The following RBFOX3 variants were observed in gnomAD, a reference collection of about 807,000 sequenced individuals.
RBFOX3 encodes RNA binding fox-1 homolog 3, also known as RNA binding protein fox-1 homolog 3.
Under a neutral mutation model 48.7 loss-of-function variants are expected in RBFOX3, and 17 were observed. The ratio of observed to expected loss-of-function variants is 0.35; its 90% CI spans 0.24 to 0.52. The LOEUF (loss-of-function observed/expected upper bound fraction) is 0.52. RBFOX3 is among the 20% of genes least tolerant of loss of function. The probability of loss-of-function intolerance (pLI) is 0.94; values close to 1 mark genes in which losing one functional copy is unlikely to be tolerated. For missense variants in RBFOX3, 382 were observed against 497.5 expected, an observed-to-expected ratio of 0.77 and a Z score of 2.21; for synonymous variants, 212 against 209.5, an observed-to-expected ratio of 1.01 and a Z score of -0.10.
intron 4 of RBFOX3, among the ~76,000 whole-genome samples, chr17:79,146,792 G>C (rs2043131958): frequency 6.6e-6 from 1 of 152,230 alleles, no homozygotes; most frequent in South Asian, 2.1e-4. Context: ...AGGTCCTGCA[G>C]AAGCTGGGGA....
intron 2 of RBFOX3, among the ~76,000 whole-genome samples, chr17:79,395,260 C>T (rs1002810355): frequency 8.5e-5 from 13 of 152,218 alleles, no homozygotes; most frequent in Admixed American, 1.3e-4. Context: ...CAGCTGCAGG[C>T]TCTATCTTGA....
chr17:79,354,354 C>T (rs1454235403), intron 2 of RBFOX3, among the ~76,000 whole-genome samples: 1 of 152,222 alleles, frequency 6.6e-6, no homozygotes, highest in African/African-American at 2.4e-5. Context: ...CTGGCTCACT[C>T]CAGCTAGCAC....
the RBFOX3 span, among the ~76,000 whole-genome samples, chr17:79,652,179 A>G: frequency 6.6e-6 from 1 of 152,168 alleles, no homozygotes; most frequent in Non-Finnish European, 1.5e-5. Context: ...GTAATAGATA[A>G]CTAGTACAAG....
At position 79,189,775 on chromosome 17, in the gene RBFOX3, G is replaced by A. The variant is rs183815709; in HGVS notation, c.-34+45991C>T. Among the ~76,000 whole-genome samples, 3 of 152,322 alleles carry A rather than the reference G, an allele frequency of 2.0e-5. No homozygotes were observed. The East Asian group carries it at 5.8e-4, about 29-fold the overall frequency. On this transcript the variant is annotated intron_variant, in intron 4 of 14. Transcript: ENST00000693108. ...GTCCTGCCCAAGCCTGTGCATGTGT[G>A]CCCTTGTGCCCAGACCATAGATGGC... is the stretch of plus-strand genomic sequence containing the variant.
chr17:79,542,215 T>C (rs138217228), intron 1 of RBFOX3, among the ~76,000 whole-genome samples: 30 of 152,290 alleles, frequency 2.0e-4, no homozygotes, highest in Admixed American at 2.0e-4. Flanking sequence ...GGTGTCTAAC[T>C]GGGGCAGACT....
rs1442318491 is a variant in RBFOX3 at position 79,418,860 on chromosome 17, CT to C, written c.-175+63593del. Among the ~76,000 whole-genome samples, 1 of 152,188 alleles carries C rather than the reference CT, an allele frequency of 6.6e-6. No individual in the cohort carries two copies. Among genetic ancestry groups the C allele is most frequent in the Non-Finnish European group, 1.5e-5 (1 of 68,034 alleles). ...GCAGTAGGTTTGAGGAGATGGCACC[CT>C]TGTCTGTGCTAGCTCAGACTGGGTC... On this transcript the variant is annotated intron_variant, in intron 2 of 14. Coordinates refer to ENST00000693108, the MANE Select transcript of RBFOX3 (RefSeq NM_001350451.2). This position sits in a 1 kb window ranked among gnomAD's most constrained non-coding sequence, Gnocchi z 5.0.
intron 4 of RBFOX3, among the ~76,000 whole-genome samples, chr17:79,161,493 C>T (rs543860490): frequency 6.6e-6 from 1 of 152,322 alleles, no homozygotes; most frequent in South Asian, 2.1e-4. Flanking sequence ...TGCAACTTAA[C>T]CCCCTCGGGG....
At chr17:79,454,715 A>T (rs984692496) in intron 2 of RBFOX3, among the ~76,000 whole-genome samples, 12 of 152,200 alleles carry the variant, frequency 7.9e-5, no homozygotes, top group African/African-American at 2.9e-4. Flanking sequence ...ACAGCTCATT[A>T]GGCAAAGACA....
intron 3 of RBFOX3, among the ~76,000 whole-genome samples, chr17:79,245,947 A>G (rs28535766): frequency 6.6e-6 from 1 of 151,920 alleles, no homozygotes; most frequent in Non-Finnish European, 1.5e-5. Flanking sequence ...ATTTTAATCC[A>G]CTTTTTAAGA....
chr17:79,280,209 T>G (rs1336649163), intron 3 of RBFOX3, among the ~76,000 whole-genome samples: 3 of 139,462 alleles, frequency 2.2e-5, no homozygotes, highest in Non-Finnish European at 4.6e-5. Flanking sequence ...CACCACACAC[T>G]CACAAACATG....
chr17:79,559,787 G>T (rs2092077310), intron 1 of RBFOX3, among the ~76,000 whole-genome samples: 1 of 149,520 alleles, frequency 6.7e-6, no homozygotes, highest in Non-Finnish European at 1.5e-5. Context: ...GGATGGATGG[G>T]TAGGTGGGTG....
At chr17:79,567,366 G>A (rs1024456138) in intron 1 of RBFOX3, among the ~76,000 whole-genome samples, 14 of 151,528 alleles carry the variant, frequency 9.2e-5, no homozygotes, top group Non-Finnish European at 2.1e-4. Context: ...GTATTTTTTG[G>A]TAGAGATGGG....
chr17:79,644,051 T>C, the RBFOX3 span, among the ~76,000 whole-genome samples: 2 of 151,932 alleles, frequency 1.3e-5, no homozygotes, highest in Non-Finnish European at 2.9e-5. Flanking sequence ...TATTAAAAGG[T>C]TAATAATGGA....
intron 4 of RBFOX3, among the ~76,000 whole-genome samples, chr17:79,138,279 GCATA>G (rs1273691200): frequency 3.3e-5 from 5 of 152,134 alleles, no homozygotes; most frequent in Admixed American, 6.5e-5. Context: ...TTCCCCATGT[GCATA>G]CACACAGTAC....
intron 2 of RBFOX3, among the ~76,000 whole-genome samples, chr17:79,434,836 G>A (rs553310308): frequency 4.6e-5 from 7 of 152,206 alleles, no homozygotes; most frequent in South Asian, 4.2e-4. Flanking sequence ...GATGGACTCC[G>A]GGGCTACGGG....
intron 4 of RBFOX3, among the ~76,000 whole-genome samples, chr17:79,209,587 C>T (rs2058070598): frequency 6.6e-6 from 1 of 152,230 alleles, no homozygotes; most frequent in Admixed American, 6.5e-5. Context: ...CTCGGTACCC[C>T]AGTGTCCAGC....
At chr17:79,108,419 G>A (rs1244096141) in intron 5 of RBFOX3, among the ~76,000 whole-genome samples, 3 of 152,250 alleles carry the variant, frequency 2.0e-5, no homozygotes, top group Non-Finnish European at 2.9e-5. Context: ...CCAGCTAGGC[G>A]AAGCACCTGG....
chr17:79,136,393 C>T (rs1177430726), intron 4 of RBFOX3: 3 of 152,364 alleles, frequency 2.0e-5, no homozygotes, highest in Non-Finnish European at 4.4e-5. Context: ...GATAAGCACG[C>T]TCGTGCAGAC....
At chr17:79,520,809 G>A (rs1358026594) in intron 1 of RBFOX3, among the ~76,000 whole-genome samples, 13 of 152,180 alleles carry the variant, frequency 8.5e-5, no homozygotes, top group African/African-American at 2.7e-4. Context: ...AGCCTCCCCC[G>A]GCAGACACAC....
Sources: allele counts gnomAD v4.1 joint callset (sites outside exome capture counted in the v4.1 genomes callset), GRCh38; gene constraint gnomAD v4.1.1; non-coding constraint Gnocchi (gnomAD v3.1); transcripts MANE v1.5; gene names NCBI Gene and HGNC (gene_info 2026-07-23, HGNC 2026-07-21).